Variants in ASMTL observed in about 807,000 individuals in gnomAD.
ASMTL encodes the protein probable bifunctional dTTP/UTP pyrophosphatase/methyltransferase protein.
A neutral mutation model predicts 60.3 loss-of-function variants in ASMTL; 57 were observed. That is an observed-to-expected ratio of 0.95 (90% CI 0.76 to 1.18). The LOEUF (loss-of-function observed/expected upper bound fraction) is 1.18. Among genes scored for constraint, ASMTL ranks in the 50% most tolerant of loss-of-function variants. ASMTL has a pLI of 0.00. For synonymous variants in ASMTL, 419 were observed against 373.0 expected, an observed-to-expected ratio of 1.12 and a Z score of -1.42; for missense variants, 981 against 852.6, an observed-to-expected ratio of 1.15 and a Z score of -1.88.
At chrX:1,438,927 C>T (rs1263538754) in intron 3 of ASMTL, 170 bp downstream of exon 3, 12 of 247,352 alleles carry the variant, frequency 4.9e-5, no homozygotes, top group African/African-American at 2.5e-4. Context: ...GCGCCTGGCC[C>T]CTTCCCGTGC....
rs1256167702 is a variant in ASMTL, at chrX:1,421,816, C to T, written c.1087G>A (p.Val363Ile). Residue 363 changes from valine (V) to isoleucine (I), a missense_variant, in exon 9 of 13, where the codon GTC becomes ATC. Val to Ile is a conservative substitution (Grantham distance 29). Transcript: ENST00000381317. ...QGYSNTETANVYLASDGEYSL... is the reference protein window; with the variant it reads ...QGYSNTETANIYLASDGEYSL... ...TATTCGCCATCCGATGCCAGGTAGA[C>T]GTTCGCTGTCTCTGTGTTACTGTAA... 11 of 1,613,668 alleles carry T rather than the reference C, an allele frequency of 6.8e-6. No homozygotes were observed. The highest frequency in any genetic ancestry group is 2.7e-5 in the African/African-American group (2 of 74,832).
chrX:1,436,949 G>A lies in ASMTL; in HGVS notation c.274-1191C>T, dbSNP rs191858528. On this transcript the variant is annotated intron_variant, in intron 3 of 12. Transcript: ENST00000381317. ...CCATCGTCGTGGAGACTGGAAGGGC[G>A]AGATCCAGGTGTGGGCAGGGCTGGT... 4.6e-5 allele frequency among the ~76,000 whole-genome samples: 7 copies of A among 152,352 alleles called. No individual in the cohort carries two copies. The East Asian group carries it at 9.6e-4, about 21-fold the overall frequency.
chrX:1,443,105 C>T (rs1251275922), intron 1 of ASMTL, among the ~76,000 whole-genome samples: 4 of 150,500 alleles, frequency 2.7e-5, no homozygotes, highest in African/African-American at 4.9e-5. Context: ...GGACACACAC[C>T]GTCGTCGTGG....
chrX:1,411,807 T>A, intron 12 of ASMTL, among the ~76,000 whole-genome samples: 1 of 7,368 alleles, frequency 1.4e-4, no homozygotes, highest in East Asian at 4.4e-3. Flanking sequence ...TAGGATTTTC[T>A]TTTTTTTTTT....
intron 12 of ASMTL, among the ~76,000 whole-genome samples, chrX:1,410,395 G>A (rs1456473338): frequency 1.3e-5 from 2 of 152,076 alleles, no homozygotes; most frequent in South Asian, 2.1e-4. Flanking sequence ...GACAGAGGGG[G>A]ACTCCTATCT....
In ASMTL at chrX:1,442,227, C is replaced by A; in HGVS notation, c.184G>T (p.Ala62Ser). 6.2e-7 allele frequency: 1 copy of A among 1,613,802 alleles called. No homozygotes were observed. Among genetic ancestry groups the A allele is most frequent in the Non-Finnish European group, 8.5e-7 (1 of 1,179,850 alleles). The change falls in exon 2 of 13, where the codon GCC (alanine) becomes TCC (serine). Residue 62 changes from alanine to serine, a missense_variant. Coordinates refer to ENST00000381317, the MANE Select transcript of ASMTL (RefSeq NM_004192.4). Reference protein sequence around the residue: ...ATPYGYAMETAKQKALEVANR... With the variant: ...ATPYGYAMETSKQKALEVANR... ...GCCACCTCCAGGGCCTTCTGCTTGGCGGTCTCCATGGCGTACCCATACGGA... is the reference window on the plus strand; with the variant it reads ...GCCACCTCCAGGGCCTTCTGCTTGGAGGTCTCCATGGCGTACCCATACGGA...
At chrX:1,416,640 T>C (rs1165576724) in intron 11 of ASMTL, among the ~76,000 whole-genome samples, 3 of 148,780 alleles carry the variant, frequency 2.0e-5, no homozygotes, top group Middle Eastern at 3.3e-3. Flanking sequence ...CCCTCACACA[T>C]ATGCAAGCAC....
At chrX:1,450,598 C>G (rs1436497200) in intron 1 of ASMTL, among the ~76,000 whole-genome samples, 12 of 133,174 alleles carry the variant, frequency 9.0e-5, no homozygotes, top group Non-Finnish European at 9.8e-5. Flanking sequence ...GGGTCACTCT[C>G]CCCTCCCCCA....
chrX:1,413,310 C>T (rs1438804560), intron 11 of ASMTL, among the ~76,000 whole-genome samples: 23 of 152,228 alleles, frequency 1.5e-4, no homozygotes, highest in African/African-American at 3.9e-4. Context: ...TGCAGTGAGC[C>T]GAGATCGCGC....
intron 2 of ASMTL, 91 bp downstream of exon 2, chrX:1,442,095 G>T: frequency 2.7e-6 from 4 of 1,465,066 alleles, no homozygotes; most frequent in Non-Finnish European, 3.8e-6. Flanking sequence ...TTTGAATGAC[G>T]TTTATTTGTG....
chrX:1,406,596 G>T (rs1338584853), intron 12 of ASMTL, among the ~76,000 whole-genome samples: 1 of 150,840 alleles, frequency 6.6e-6, no homozygotes, highest in Non-Finnish European at 1.5e-5. Context: ...GGATGTATGG[G>T]TGAATAGATA....
intron 7 of ASMTL, among the ~76,000 whole-genome samples, chrX:1,426,720 G>C (rs1206248558): frequency 6.6e-6 from 1 of 152,172 alleles, no homozygotes; most frequent in African/African-American, 2.4e-5. Context: ...GGGCTTGGTG[G>C]TGGGCGCCTG....
intron 8 of ASMTL, among the ~76,000 whole-genome samples, chrX:1,424,198 G>T (rs867345838): frequency 9.3e-5 from 2 of 21,450 alleles, no homozygotes; most frequent in African/African-American, 3.7e-4. Flanking sequence ...CCACCCATCT[G>T]TTCACCCACC....
rs549660535 is a variant in ASMTL, at chrX:1,418,657, A to G, written c.1378+325T>C. On this transcript the variant is annotated intron_variant, in intron 10 of 12. Transcript: ENST00000381317. ...TGGGAATGTGTCTACTGCTCCACCC[A>G]CTGTCCAGGGCTGGGGTGGGGTGGA... 4.1e-4 allele frequency among the ~76,000 whole-genome samples: 63 copies of G among 152,006 alleles called. No homozygotes were observed. The South Asian group carries it at 0.012, about 30-fold the overall frequency.
At chrX:1,436,371 G>T (rs1205445053) in intron 3 of ASMTL, among the ~76,000 whole-genome samples, 1 of 151,302 alleles carries the variant, frequency 6.6e-6, no homozygotes, top group Admixed American at 6.6e-5. Flanking sequence ...TTTATTTTTT[G>T]AGACAGAGTC....
chrX:1,418,132 T>C lies in ASMTL; in HGVS notation c.1379-16A>G, dbSNP rs1309291217. 2 of 1,580,686 alleles carry C rather than the reference T, an allele frequency of 1.3e-6. No individual in the cohort carries two copies. The highest frequency in any genetic ancestry group is 1.1e-5 in the South Asian group (1 of 87,514). ...CCCGTGCAGCCTGCGGGGAAGCAAATGCATGCTCTGTGGCTGGGTCGTCTA... is the reference window on the plus strand; with the variant it reads ...CCCGTGCAGCCTGCGGGGAAGCAAACGCATGCTCTGTGGCTGGGTCGTCTA... On this transcript the variant is annotated splice_polypyrimidine_tract_variant and intron_variant, in intron 10 of 12. Transcript: ENST00000381317.
intron 2 of ASMTL, 74 bp from the exon 3 acceptor site, chrX:1,439,218 G>T: frequency 6.5e-7 from 1 of 1,527,672 alleles, no homozygotes; most frequent in South Asian, 1.1e-5. Flanking sequence ...CGTCGGTACG[G>T]GCGTGAAAGA....
In ASMTL at chrX:1,418,970, G is replaced by A; in HGVS notation, c.1378+12C>T. On this transcript the variant is annotated intron_variant, in intron 10 of 12. Transcript: ENST00000381317. ...CGAAAGTAAGGAGAGCCCTGGCGGG[G>A]GGGCCACCCACCTCCCACGTCGCAG... 3 of 1,611,786 alleles carry A rather than the reference G, an allele frequency of 1.9e-6. No individual in the cohort carries two copies. Among genetic ancestry groups the A allele is most frequent in the Non-Finnish European group, 2.5e-6 (3 of 1,179,812 alleles).
chrX:1,404,362 G>T (rs2089718861), intron 12 of ASMTL, among the ~76,000 whole-genome samples: 1 of 151,844 alleles, frequency 6.6e-6, no homozygotes, highest in South Asian at 2.1e-4. Context: ...GGATGAGATG[G>T]ATGGGTGAAT....
Sources: gnomAD v4.1 joint callset for allele counts (sites outside exome capture counted in the v4.1 genomes callset) on GRCh38, gnomAD v4.1.1 for gene constraint, MANE v1.5 for transcripts, NCBI Gene and HGNC (gene_info 2026-07-23, HGNC 2026-07-21) for gene names.